Variants in TMPRSS15 observed in about 807,000 individuals in gnomAD.
TMPRSS15 encodes the protein transmembrane serine protease 15, also known as enteropeptidase.
TMPRSS15 carries 128 observed loss-of-function variants against 125.3 expected under a neutral mutation model. The observed-to-expected ratio is 1.02, with a 90% confidence interval of 0.89 to 1.18. The LOEUF (loss-of-function observed/expected upper bound fraction) is 1.18, where lower values mean the gene tolerates loss of function less well. TMPRSS15 is among the 50% of genes most tolerant of loss of function. The probability of loss-of-function intolerance (pLI) is 0.00; values close to 1 mark genes in which losing one functional copy is unlikely to be tolerated. For missense variants in TMPRSS15, 1,283 were observed against 1,212.7 expected (o/e 1.06, Z -0.86); for synonymous variants, 446 against 423.2 (o/e 1.05, Z -0.66).
intron 1 of TMPRSS15, among the ~76,000 whole-genome samples, chr21:18,419,311 G>C (rs536496302): frequency 7.6e-5 from 11 of 144,712 alleles, no homozygotes; most frequent in Middle Eastern, 3.8e-3. Context: ...CTGCAAGCTC[G>C]GCCTCCCGGG....
intron 4 of TMPRSS15, among the ~76,000 whole-genome samples, chr21:18,382,530 TAAAC>T (rs1437012178): frequency 6.6e-6 from 1 of 152,092 alleles, no homozygotes; most frequent in African/African-American, 2.4e-5. Context: ...TATTAGAAAA[TAAAC>T]AAAGAAAACT....
intron 18 of TMPRSS15, among the ~76,000 whole-genome samples, chr21:18,310,933 C>CTT (rs71329779): frequency 0.013 from 1,829 of 136,764 alleles, 36 homozygotes; most frequent in African/African-American, 0.045. Context: ...CCCACTGATT[C>CTT]TTTTTTTTTT....
chr21:18,480,942 A>T (rs1978969499), intron 1 of TMPRSS15, among the ~76,000 whole-genome samples: 1 of 151,880 alleles, frequency 6.6e-6, no homozygotes, highest in Non-Finnish European at 1.5e-5. Flanking sequence ...AAAGAGCAAA[A>T]GGGAACAACT....
chr21:18,298,226 TTAAG>T (rs758929143), intron 18 of TMPRSS15, among the ~76,000 whole-genome samples: 3 of 152,252 alleles, frequency 2.0e-5, no homozygotes, highest in Non-Finnish European at 4.4e-5. Context: ...CTGTAATTTA[TTAAG>T]CTTTTCTCCT....
chr21:18,286,967 T>C (rs909207342), intron 21 of TMPRSS15, among the ~76,000 whole-genome samples: 9 of 152,330 alleles, frequency 5.9e-5, no homozygotes, highest in Admixed American at 2.0e-4. Context: ...TCTCCTTCAT[T>C]TCTTTAGATT....
At chr21:18,424,944 CATGTGTGAATTCAT>C (rs908846933) in intron 1 of TMPRSS15, among the ~76,000 whole-genome samples, 7 of 148,506 alleles carry the variant, frequency 4.7e-5, no homozygotes, top group East Asian at 2.0e-4. Flanking sequence ...TATATTCATA[CATGTGTGAATTCAT>C]ATGTATGAAT....
At chr21:18,371,530 C>A (rs2075791835) in intron 6 of TMPRSS15, among the ~76,000 whole-genome samples, 1 of 152,134 alleles carries the variant, frequency 6.6e-6, no homozygotes, top group Non-Finnish European at 1.5e-5. Flanking sequence ...ATGGTAACTG[C>A]TACTTAAGTG....
chr21:18,374,463 G>A (rs2075822458), intron 5 of TMPRSS15, among the ~76,000 whole-genome samples: 1 of 112,810 alleles, frequency 8.9e-6, no homozygotes, highest in Non-Finnish European at 1.6e-5. Context: ...CTGGGCGACA[G>A]AGCGAGACTC....
rs374533328 is a variant in TMPRSS15 at position 18,269,940 on chromosome 21, C to T, written c.*29G>A. ...TCTAGAGTAGAATGGGAAAATAATGCGACTTTCCTGTTTAGTTTAAGAAAT... is the reference window on the plus strand; with the variant it reads ...TCTAGAGTAGAATGGGAAAATAATGTGACTTTCCTGTTTAGTTTAAGAAAT... On this transcript the variant is annotated 3_prime_UTR_variant, in exon 25 of 25. Coordinates refer to ENST00000284885, the MANE Select transcript of TMPRSS15 (RefSeq NM_002772.3). 493 of 1,611,774 alleles carry T rather than the reference C, an allele frequency of 3.1e-4. 1 individual carries two copies. The highest frequency in any genetic ancestry group is 2.4e-3 in the South Asian group (218 of 90,984).
intron 18 of TMPRSS15, among the ~76,000 whole-genome samples, chr21:18,302,940 G>C (rs1010863550): frequency 6.6e-6 from 1 of 152,106 alleles, no homozygotes; most frequent in South Asian, 2.1e-4. Context: ...TTGGAGTAGA[G>C]GGCATATGAC....
At chr21:18,429,624 G>C (rs1343025463) in intron 1 of TMPRSS15, among the ~76,000 whole-genome samples, 1 of 152,146 alleles carries the variant, frequency 6.6e-6, no homozygotes, top group Non-Finnish European at 1.5e-5. Context: ...CTGCCACGTA[G>C]GAAGTGCCTT....
rs1303855520 is a variant in TMPRSS15 at position 18,392,183 on chromosome 21, T to A, written c.344+5696A>T. On this transcript the variant is annotated intron_variant, in intron 3 of 24. Transcript: ENST00000284885. ...CGAATAACATTTGACTCCTCATTAC[T>A]TATGCAAATTTCTGTAGCTGGCTTC... Among the ~76,000 whole-genome samples, 3 of 152,232 alleles carry A rather than the reference T, an allele frequency of 2.0e-5. No homozygotes were observed. The East Asian group carries it at 5.8e-4, about 29-fold the overall frequency.
intron 1 of TMPRSS15, among the ~76,000 whole-genome samples, chr21:18,399,629 A>T (rs1167058717): frequency 6.6e-6 from 1 of 152,132 alleles, no homozygotes; most frequent in African/African-American, 2.4e-5. Flanking sequence ...AAATTTGAAT[A>T]AAGTATGTGG....
intron 1 of TMPRSS15, among the ~76,000 whole-genome samples, chr21:18,475,889 G>T (rs982477603): frequency 6.6e-6 from 1 of 152,074 alleles, no homozygotes; most frequent in Admixed American, 6.6e-5. Flanking sequence ...ACTTTGTACA[G>T]ATTTTATTTT....
intron 21 of TMPRSS15, among the ~76,000 whole-genome samples, chr21:18,293,329 A>G (rs753275618): frequency 1.4e-4 from 22 of 152,002 alleles, no homozygotes; most frequent in Non-Finnish European, 2.2e-4. Context: ...TTTCCTCGTC[A>G]ATGCCTGGTT....
chr21:18,440,283 GA>G (rs2076238134), intron 1 of TMPRSS15, among the ~76,000 whole-genome samples: 1 of 144,180 alleles, frequency 6.9e-6, no homozygotes, highest in African/African-American at 2.6e-5. Flanking sequence ...TGAGGCAGGA[GA>G]ATGGCGTGAA....
intron 1 of TMPRSS15, among the ~76,000 whole-genome samples, chr21:18,481,355 T>C (rs140775578): frequency 6.6e-6 from 1 of 151,894 alleles, no homozygotes; most frequent in East Asian, 1.9e-4. Flanking sequence ...CCCACAGCAT[T>C]ATTATTATTC....
intron 1 of TMPRSS15, among the ~76,000 whole-genome samples, chr21:18,424,071 TG>T (rs1487249857): frequency 6.6e-6 from 1 of 152,218 alleles, no homozygotes; most frequent in Admixed American, 6.5e-5. Flanking sequence ...TGAAAGAGAA[TG>T]CTTTCACACG....
intron 5 of TMPRSS15, among the ~76,000 whole-genome samples, chr21:18,374,833 A>C (rs965133209): frequency 1.3e-5 from 2 of 152,134 alleles, no homozygotes; most frequent in Admixed American, 1.3e-4. Context: ...CATGGACTCA[A>C]TTACTACTTT....
Sources: gnomAD v4.1 joint callset for allele counts (sites outside exome capture counted in the v4.1 genomes callset) on GRCh38, gnomAD v4.1.1 for gene constraint, MANE v1.5 for transcripts, NCBI Gene and HGNC (gene_info 2026-07-23, HGNC 2026-07-21) for gene names.